The following SORCS3 variants were observed in gnomAD, a reference collection of about 807,000 sequenced individuals.
SORCS3 encodes the protein VPS10 domain-containing receptor SorCS3.
Under a neutral mutation model 146.3 loss-of-function variants are expected in SORCS3, and 57 were observed. The observed-to-expected ratio is 0.39, with a 90% CI of 0.31 to 0.49. The LOEUF is 0.49. Among genes scored for constraint, SORCS3 ranks in the 20% least tolerant of loss-of-function variants. The probability of loss-of-function intolerance (pLI) is 0.92; values close to 1 mark genes in which losing one functional copy is unlikely to be tolerated. For synonymous variants in SORCS3, 653 were observed against 618.5 expected, an observed-to-expected ratio of 1.06 and a Z score of -0.83; for missense variants, 1,341 against 1,575.5, an observed-to-expected ratio of 0.85 and a Z score of 2.52.
chr10:104,997,679 C>T (rs555089080), intron 4 of SORCS3, among the ~76,000 whole-genome samples: 11 of 152,248 alleles, frequency 7.2e-5, no homozygotes, highest in Admixed American at 3.3e-4. Context: ...GATTCACAGT[C>T]GAGCACTTAC....
In SORCS3 at chr10:105,217,001, C is replaced by T. The variant is rs372127442; in HGVS notation, c.2613C>T (p.Asn871=). 2 of 1,614,044 alleles carry T rather than the reference C, an allele frequency of 1.2e-6. No individual in the cohort carries two copies. Among genetic ancestry groups the T allele is most frequent in the African/African-American group, 1.3e-5 (1 of 74,898 alleles). ...FGDGIAVSYA[N]FSPIEDGIKH... The stretch of plus-strand genomic sequence containing the variant: ...ATGGGATTGCTGTGTCCTACGCAAA[C>T]TTCAGCCCCATCGAGGACGGCATCA... Residue 871 remains asparagine (N), a synonymous_variant, in exon 19 of 27, where the codon AAC becomes AAT. Transcript: ENST00000369701.
chr10:105,014,279 T>C (rs2133683389), intron 4 of SORCS3, among the ~76,000 whole-genome samples: 1 of 151,894 alleles, frequency 6.6e-6, no homozygotes, highest in Admixed American at 6.6e-5. Context: ...AAATTTCAGA[T>C]GGACTTAAGA....
At chr10:105,145,650 A>G (rs1332747787) in intron 8 of SORCS3, among the ~76,000 whole-genome samples, 1 of 152,088 alleles carries the variant, frequency 6.6e-6, no homozygotes, top group Admixed American at 6.6e-5. Flanking sequence ...TTCGGCATTC[A>G]TTCCACACCA....
At chr10:104,991,993 G>C (rs2054997725) in intron 4 of SORCS3, among the ~76,000 whole-genome samples, 1 of 152,202 alleles carries the variant, frequency 6.6e-6, no homozygotes, top group Non-Finnish European at 1.5e-5. Context: ...TGTCAAGGTT[G>C]CTGAATAATG....
chr10:105,184,482 G>GT (rs1432028811), intron 14 of SORCS3, among the ~76,000 whole-genome samples: 1 of 152,068 alleles, frequency 6.6e-6, no homozygotes, highest in African/African-American at 2.4e-5. Flanking sequence ...ATGCCCATGG[G>GT]TTTTTATCCA....
chr10:104,651,289 C>A (rs1399271135), intron 1 of SORCS3, among the ~76,000 whole-genome samples: 1 of 152,126 alleles, frequency 6.6e-6, no homozygotes, highest in Admixed American at 6.5e-5. Context: ...TAAGCCACAG[C>A]AATCTTGAAC....
At chr10:104,746,672 G>A (rs955950762) in intron 1 of SORCS3, among the ~76,000 whole-genome samples, 2 of 151,932 alleles carry the variant, frequency 1.3e-5, no homozygotes, top group African/African-American at 4.8e-5. Context: ...TCATCCACCC[G>A]CTCCCCCAGG....
At chr10:104,683,731 G>A (rs2016006943) in intron 1 of SORCS3, among the ~76,000 whole-genome samples, 1 of 152,146 alleles carries the variant, frequency 6.6e-6, no homozygotes, top group South Asian at 2.1e-4. Flanking sequence ...TTGGCTCCCT[G>A]GCAGCACCAG....
intron 1 of SORCS3, 104 bp from the exon 2 acceptor site, chr10:104,842,688 G>T: frequency 1.2e-6 from 1 of 845,336 alleles, no homozygotes. Flanking sequence ...GCCCTCCTCT[G>T]GGTGATAGGA....
intron 3 of SORCS3, among the ~76,000 whole-genome samples, chr10:104,949,239 A>G (rs968782209): frequency 6.6e-6 from 1 of 152,178 alleles, no homozygotes; most frequent in East Asian, 1.9e-4. Flanking sequence ...TATGTTTCCC[A>G]CAGATACTAT....
At chr10:104,886,817 G>C (rs751246468) in intron 2 of SORCS3, among the ~76,000 whole-genome samples, 8 of 152,114 alleles carry the variant, frequency 5.3e-5, no homozygotes, top group Non-Finnish European at 8.8e-5. Context: ...GGACAATTTT[G>C]AGGTTTGCTT....
intron 5 of SORCS3, among the ~76,000 whole-genome samples, chr10:105,060,323 G>A (rs1050847685): frequency 1.4e-4 from 22 of 152,092 alleles, no homozygotes; most frequent in African/African-American, 4.8e-4. Context: ...CAAGAAGTTC[G>A]GATTCTATGC....
At chr10:104,939,038 TCTG>T (rs2019286624) in intron 3 of SORCS3, among the ~76,000 whole-genome samples, 1 of 152,230 alleles carries the variant, frequency 6.6e-6, no homozygotes, top group African/African-American at 2.4e-5. Context: ...GGACCCACCT[TCTG>T]TGTTCAGCAT....
At chr10:104,968,363 G>A (rs758207793) in intron 3 of SORCS3, among the ~76,000 whole-genome samples, 11 of 152,134 alleles carry the variant, frequency 7.2e-5, no homozygotes, top group Non-Finnish European at 1.3e-4. Context: ...TGATCTACCC[G>A]CCTGGGCCTC....
At chr10:104,739,697 C>G (rs2016818175) in intron 1 of SORCS3, among the ~76,000 whole-genome samples, 1 of 152,188 alleles carries the variant, frequency 6.6e-6, no homozygotes, top group Non-Finnish European at 1.5e-5. Context: ...CTCTGAAGAT[C>G]CCCAGCATGT....
At chr10:105,135,060 G>T (rs574794957) in intron 7 of SORCS3, among the ~76,000 whole-genome samples, 11 of 152,064 alleles carry the variant, frequency 7.2e-5, no homozygotes, top group Non-Finnish European at 1.5e-4. Context: ...ACAAGTCTCG[G>T]TGAAGTCCAA....
intron 1 of SORCS3, among the ~76,000 whole-genome samples, chr10:104,670,119 C>T (rs965840190): frequency 1.3e-5 from 2 of 151,982 alleles, no homozygotes; most frequent in East Asian, 1.9e-4. Flanking sequence ...ATTCTGCATA[C>T]CAACCCCTTA....
chr10:105,050,643 C>T (rs954444763), intron 5 of SORCS3, among the ~76,000 whole-genome samples: 4 of 152,138 alleles, frequency 2.6e-5, no homozygotes, highest in Non-Finnish European at 4.4e-5. Flanking sequence ...AGGCACCTAG[C>T]TGAGTTGTGC....
intron 5 of SORCS3, among the ~76,000 whole-genome samples, chr10:105,062,551 G>A (rs946542415): frequency 4.6e-5 from 7 of 152,132 alleles, no homozygotes; most frequent in Admixed American, 2.0e-4. Context: ...ATAGGGACCC[G>A]GTGTAGTGGG....
Sources: allele counts gnomAD v4.1 joint callset (sites outside exome capture counted in the v4.1 genomes callset), GRCh38; gene constraint gnomAD v4.1.1; transcripts MANE v1.5; gene names NCBI Gene and HGNC (gene_info 2026-07-23, HGNC 2026-07-21).